Variants in RALYL observed in about 807,000 individuals in gnomAD.
RALYL encodes RNA-binding Raly-like protein.
In RALYL, 29 loss-of-function variants were observed where a neutral mutation model predicts 35.1. The observed-to-expected ratio is 0.83, with a 90% CI of 0.61 to 1.13. RALYL has a LOEUF of 1.13. Ranked by LOEUF, RALYL falls within the 50% of genes most tolerant of loss-of-function variation. The pLI is 0.00. For synonymous variants in RALYL, 120 were observed against 127.6 expected, an observed-to-expected ratio of 0.94 and a Z score of 0.40; for missense variants, 359 against 360.4, an observed-to-expected ratio of 1.00 and a Z score of 0.03.
At chr8:84,524,839 AC>A (rs2058748990) in intron 1 of RALYL, among the ~76,000 whole-genome samples, 1 of 151,904 alleles carries the variant, frequency 6.6e-6, no homozygotes, top group Non-Finnish European at 1.5e-5. Context: ...AGATACTTGA[AC>A]TTTTTATTCT....
At chr8:84,365,735 C>T (rs1313731454) in intron 1 of RALYL, among the ~76,000 whole-genome samples, 1 of 152,086 alleles carries the variant, frequency 6.6e-6, no homozygotes, top group South Asian at 2.1e-4. Context: ...CAACAGAAGG[C>T]AGTTATGGGT....
At chr8:84,649,525 T>C (rs1828239403) in intron 2 of RALYL, among the ~76,000 whole-genome samples, 1 of 152,100 alleles carries the variant, frequency 6.6e-6, no homozygotes, top group Non-Finnish European at 1.5e-5. Flanking sequence ...CAGCACCATT[T>C]ATTAAATAGG....
At chr8:84,366,938 G>C (rs1262753064) in intron 1 of RALYL, among the ~76,000 whole-genome samples, 2 of 151,762 alleles carry the variant, frequency 1.3e-5, no homozygotes, top group Non-Finnish European at 2.9e-5. Context: ...GAGAATAGTA[G>C]GAAATAGCCT....
intron 1 of RALYL, among the ~76,000 whole-genome samples, chr8:84,419,897 A>T (rs906521113): frequency 6.6e-6 from 1 of 151,808 alleles, no homozygotes; most frequent in Non-Finnish European, 1.5e-5. Context: ...ATGGCTGCAT[A>T]GTATTCCATG....
intron 1 of RALYL, among the ~76,000 whole-genome samples, chr8:84,484,603 G>A (rs182961985): frequency 7.9e-5 from 12 of 152,056 alleles, no homozygotes; most frequent in African/African-American, 1.9e-4. Flanking sequence ...AACAGAACAC[G>A]TTAAAAGAAA....
intron 2 of RALYL, among the ~76,000 whole-genome samples, chr8:84,730,411 T>C (rs958628192): frequency 1.3e-5 from 2 of 152,024 alleles, no homozygotes; most frequent in Non-Finnish European, 2.9e-5. Context: ...ATCTATGACA[T>C]ACCCACAGCC....
intron 1 of RALYL, among the ~76,000 whole-genome samples, chr8:84,186,834 G>A (rs1418031267): frequency 6.6e-6 from 1 of 151,996 alleles, no homozygotes; most frequent in Non-Finnish European, 1.5e-5. Context: ...ATTTCTTCCT[G>A]TGTGAATCAT....
intron 6 of RALYL, among the ~76,000 whole-genome samples, chr8:84,870,581 A>G (rs999409613): frequency 1.2e-4 from 6 of 48,272 alleles, no homozygotes; most frequent in East Asian, 2.3e-3. Flanking sequence ...TGTAATGTAT[A>G]TATATATATA....
At chr8:84,406,577 G>C (rs112453685) in intron 1 of RALYL, among the ~76,000 whole-genome samples, 1 of 151,760 alleles carries the variant, frequency 6.6e-6, no homozygotes, top group African/African-American at 2.4e-5. Context: ...GCACTTCTGG[G>C]CATTTTCTTT....
intron 1 of RALYL, among the ~76,000 whole-genome samples, chr8:84,524,894 G>A (rs2058754705): frequency 6.6e-6 from 1 of 151,534 alleles, no homozygotes; most frequent in African/African-American, 2.4e-5. Context: ...AAGTTTTCAG[G>A]ACCAAAAACA....
intron 1 of RALYL, among the ~76,000 whole-genome samples, chr8:84,321,646 G>A (rs1018561076): frequency 2.0e-5 from 3 of 152,064 alleles, no homozygotes; most frequent in East Asian, 3.9e-4. Flanking sequence ...CCTAAGCTGG[G>A]AGAAGGGAGA....
chr8:84,898,515 A>T lies in RALYL; in HGVS notation c.858+10739A>T, dbSNP rs774590926. On this transcript the variant is annotated intron_variant, in intron 8 of 8. Coordinates refer to ENST00000521268, the MANE Select transcript of RALYL (RefSeq NM_173848.7). ...TAGAGCACATGGTACATGAAGAAGA[A>T]AGGGCAAATAGACACTTCACAAAAG... Among the ~76,000 whole-genome samples, 25 of 152,356 alleles carry T rather than the reference A, an allele frequency of 1.6e-4. 1 individual carries two copies. The highest frequency in any genetic ancestry group is 1.2e-3 in the South Asian group (6 of 4,828).
At chr8:84,758,315 C>T (rs1158847731) in intron 2 of RALYL, among the ~76,000 whole-genome samples, 1 of 152,232 alleles carries the variant, frequency 6.6e-6, no homozygotes, top group South Asian at 2.1e-4. Context: ...TTACTATTTT[C>T]CTTCTTTGGG....
At chr8:84,526,236 T>C (rs1451788659) in intron 1 of RALYL, among the ~76,000 whole-genome samples, 1 of 152,130 alleles carries the variant, frequency 6.6e-6, no homozygotes, top group Non-Finnish European at 1.5e-5. Context: ...ATTACAGGCG[T>C]GAACTACCAC....
At chr8:84,853,484 C>T (rs1836305266) in intron 5 of RALYL, among the ~76,000 whole-genome samples, 1 of 152,186 alleles carries the variant, frequency 6.6e-6, no homozygotes, top group African/African-American at 2.4e-5. Flanking sequence ...CTGTAGCTTT[C>T]AGGTGACTCT....
At chr8:84,848,019 A>G (rs1835018597) in intron 4 of RALYL, among the ~76,000 whole-genome samples, 1 of 152,238 alleles carries the variant, frequency 6.6e-6, no homozygotes, top group African/African-American at 2.4e-5. Flanking sequence ...TATTTCAGTT[A>G]ACATAAGAAT....
intron 7 of RALYL, among the ~76,000 whole-genome samples, chr8:84,881,199 G>A (rs77750951): frequency 0.022 from 3,323 of 151,740 alleles, 120 homozygotes; most frequent in African/African-American, 0.076. Context: ...TCATTTATGT[G>A]GCTGATAGTA....
chr8:84,184,741 A>C, intron 1 of RALYL: 9 of 384,036 alleles, frequency 2.3e-5, no homozygotes, highest in East Asian at 4.1e-5. Context: ...GCCGGGCACT[A>C]GGCGGCCGGC....
At chr8:84,224,849 G>T (rs1356085072) in intron 1 of RALYL, among the ~76,000 whole-genome samples, 2 of 152,016 alleles carry the variant, frequency 1.3e-5, no homozygotes, top group African/African-American at 4.8e-5. Context: ...TAGAGACAGG[G>T]TTTCACCATA....
Sources: gnomAD v4.1 joint callset for allele counts (sites outside exome capture counted in the v4.1 genomes callset) on GRCh38, gnomAD v4.1.1 for gene constraint, MANE v1.5 for transcripts, NCBI Gene and HGNC (gene_info 2026-07-23, HGNC 2026-07-21) for gene names.